The following BMP2K variants were observed in gnomAD, a reference collection of about 807,000 sequenced individuals.
The protein encoded by BMP2K is BMP2 inducible kinase, also known as BMP-2-inducible protein kinase.
A neutral mutation model predicts 116.0 loss-of-function variants in BMP2K; 74 were observed. The observed-to-expected ratio is 0.64, with a 90% CI of 0.53 to 0.77. The LOEUF (loss-of-function observed/expected upper bound fraction) is 0.77. Ranked by LOEUF, BMP2K falls within the 30% of genes least tolerant of loss-of-function variation. The probability of loss-of-function intolerance (pLI) is 0.00; values close to 1 mark genes in which losing one functional copy is unlikely to be tolerated. For missense variants in BMP2K, 1,365 were observed against 1,403.6 expected (o/e 0.97, Z 0.44); for synonymous variants, 486 against 502.5 (o/e 0.97, Z 0.44).
At chr4:78,842,563 A>C (rs896440950) in intron 4 of BMP2K, 36 bp downstream of exon 4, 1 of 1,502,158 alleles carries the variant, frequency 6.7e-7, no homozygotes, top group African/African-American at 1.4e-5. Context: ...TTAAGTAATA[A>C]GTTGGAGTTA....
At chr4:78,900,415 A>G (rs1733937915) in intron 15 of BMP2K, among the ~76,000 whole-genome samples, 1 of 152,208 alleles carries the variant, frequency 6.6e-6, no homozygotes, top group African/African-American at 2.4e-5. Flanking sequence ...GTATATAGAA[A>G]GACTGAAAGT....
At chr4:78,889,657 A>G (rs1733319661) in intron 15 of BMP2K, among the ~76,000 whole-genome samples, 1 of 152,196 alleles carries the variant, frequency 6.6e-6, no homozygotes, top group African/African-American at 2.4e-5. Flanking sequence ...AATACACTCT[A>G]CTAGCGTTGT....
Position 78,911,033 on chromosome 4 carries a change from C to A in BMP2K, c.2486C>A (p.Thr829Asn), listed in dbSNP as rs776261781. ...AGAGACAGATCTGGCAGTGGACCAA[C>A]CCAAGATCTTAATACAATACTCCTC... ...VYRDRSGSGP[T>N]QDLNTILLTS... is the part of the protein sequence containing the mutation. The change falls in exon 16 of 16, where the codon ACC (threonine) becomes AAC (asparagine). Residue 829 changes from threonine (T) to asparagine (N), a missense_variant. This residue lies in a region of BMP2K where 596 missense variants were observed against 623.2 expected (regional missense o/e 0.96). Transcript: ENST00000502613. 5.0e-6 allele frequency: 8 copies of A among 1,613,644 alleles called. No homozygotes were observed. The highest frequency in any genetic ancestry group is 6.8e-6 in the Non-Finnish European group (8 of 1,179,862).
At chr4:78,890,380 C>T (rs951956063) in intron 15 of BMP2K, among the ~76,000 whole-genome samples, 5 of 148,204 alleles carry the variant, frequency 3.4e-5, no homozygotes, top group East Asian at 1.9e-4. Context: ...ACAGTTTGTC[C>T]GCCTCACACA....
At chr4:78,890,542 T>G (rs185878217) in intron 15 of BMP2K, among the ~76,000 whole-genome samples, 12 of 152,326 alleles carry the variant, frequency 7.9e-5, no homozygotes, top group Admixed American at 6.5e-4. Context: ...TTATTATCTA[T>G]CCCATGATCA....
chr4:78,833,956 C>T (rs1323134790), intron 3 of BMP2K, among the ~76,000 whole-genome samples: 3 of 152,176 alleles, frequency 2.0e-5, no homozygotes, highest in Admixed American at 6.5e-5. Flanking sequence ...AGTTACAGTT[C>T]TTGCTCTCCA....
At chr4:78,872,022 A>C in intron 12 of BMP2K, 74 bp downstream of exon 12, 1 of 1,077,572 alleles carries the variant, frequency 9.3e-7, no homozygotes, top group Non-Finnish European at 1.4e-6. Flanking sequence ...GAATCATATT[A>C]TTCAGAATTT....
At chr4:78,839,186 T>C (rs1730634400) in intron 3 of BMP2K, among the ~76,000 whole-genome samples, 1 of 152,222 alleles carries the variant, frequency 6.6e-6, no homozygotes, top group African/African-American at 2.4e-5. Flanking sequence ...CTGCAGATTT[T>C]GGCAGGGCTT....
intron 1 of BMP2K, among the ~76,000 whole-genome samples, chr4:78,783,668 T>G (rs1727606970): frequency 6.6e-6 from 1 of 152,152 alleles, no homozygotes; most frequent in Non-Finnish European, 1.5e-5. Flanking sequence ...TAGCCGGGCA[T>G]AGTGGCACGT....
chr4:78,781,609 A>G (rs1727509367), intron 1 of BMP2K, among the ~76,000 whole-genome samples: 3 of 152,116 alleles, frequency 2.0e-5, no homozygotes, highest in Admixed American at 6.5e-5. Context: ...CCTGGCTGTT[A>G]TTTAAAGCCC....
intron 1 of BMP2K, among the ~76,000 whole-genome samples, chr4:78,796,780 G>A (rs891939520): frequency 6.6e-6 from 1 of 152,158 alleles, no homozygotes; most frequent in Admixed American, 6.5e-5. Context: ...ATTTATGAAT[G>A]GAGGAGTTTT....
chr4:78,893,622 G>A (rs1733553727), intron 15 of BMP2K, among the ~76,000 whole-genome samples: 1 of 152,164 alleles, frequency 6.6e-6, no homozygotes. Flanking sequence ...GAATGGAGTG[G>A]CATGGTCATA....
intron 1 of BMP2K, among the ~76,000 whole-genome samples, chr4:78,818,170 C>T (rs559665700): frequency 2.0e-5 from 3 of 152,180 alleles, no homozygotes; most frequent in Non-Finnish European, 4.4e-5. Flanking sequence ...ACGTGTATAA[C>T]GTGCAGGTTT....
intron 1 of BMP2K, among the ~76,000 whole-genome samples, chr4:78,800,527 CTACTT>C (rs1358899334): frequency 1.3e-5 from 2 of 152,100 alleles, no homozygotes; most frequent in Non-Finnish European, 2.9e-5. Flanking sequence ...AGTTTTAATT[CTACTT>C]TAATGAGCCG....
chr4:78,816,398 T>C (rs754488206), intron 1 of BMP2K, among the ~76,000 whole-genome samples: 1 of 152,210 alleles, frequency 6.6e-6, no homozygotes, highest in Non-Finnish European at 1.5e-5. Context: ...TTAGCATACA[T>C]TGATGATCCT....
rs1437494738 is a variant in BMP2K at position 78,912,758 on chromosome 4, T to A, written c.*725T>A. 6.6e-6 allele frequency: 1 copy of A among 151,792 alleles called. No individual in the cohort carries two copies. The highest frequency in any genetic ancestry group is 2.4e-5 in the African/African-American group (1 of 41,280). The allele number at this position is 151,792 out of a possible 1,614,324, so 9.4% of individuals were successfully genotyped here. A position where few individuals can be genotyped will look rare whatever the true frequency, so the allele number is the denominator to read the frequency against. ...GATAAATATATATAATTTTTGTCAG[T>A]TAAAACAAATTAAAAAAATGGACTA... On this transcript the variant is annotated 3_prime_UTR_variant, in exon 16 of 16. Coordinates refer to ENST00000502613, the MANE Select transcript of BMP2K (RefSeq NM_198892.2).
At chr4:78,808,335 G>A (rs184337697) in intron 1 of BMP2K, among the ~76,000 whole-genome samples, 85 of 147,744 alleles carry the variant, frequency 5.8e-4, no homozygotes, top group African/African-American at 1.8e-3. Flanking sequence ...ATGTGATCTC[G>A]GCTCACTGCA....
chr4:78,820,417 G>A (rs779696100), intron 1 of BMP2K, among the ~76,000 whole-genome samples: 3 of 152,078 alleles, frequency 2.0e-5, no homozygotes, highest in Non-Finnish European at 4.4e-5. Context: ...TATGTGCTGG[G>A]TATTTGCTTG....
rs1207927744 is a variant in BMP2K at position 78,861,360 on chromosome 4, A to G, written c.988-29A>G. 6 of 1,548,104 alleles carry G rather than the reference A, an allele frequency of 3.9e-6. No homozygotes were observed. In the Admixed American group the frequency reaches 5.8e-5, roughly 15 times the overall value. Reference sequence around the variant, plus strand: ...TCTGCAATTAAAATAAAAAACTAAAATGAGACGTTTTATTTTTTTTCTTCC... The same window carrying G: ...TCTGCAATTAAAATAAAAAACTAAAGTGAGACGTTTTATTTTTTTTCTTCC... On this transcript the variant is annotated intron_variant, in intron 8 of 15. Transcript: ENST00000502613.
Sources: gnomAD v4.1 joint callset for allele counts (sites outside exome capture counted in the v4.1 genomes callset) on GRCh38, gnomAD v4.1.1 for gene constraint, gnomAD v4.1.1 regional missense constraint, MANE v1.5 for transcripts, NCBI Gene and HGNC (gene_info 2026-07-23, HGNC 2026-07-21) for gene names.